Variants in ARHGEF3 observed in about 807,000 individuals in gnomAD.
ARHGEF3 encodes Rho guanine nucleotide exchange factor 3.
A neutral mutation model predicts 63.2 loss-of-function variants in ARHGEF3; 28 were observed. The observed-to-expected ratio is 0.44, with a 90% CI of 0.33 to 0.61. ARHGEF3 has a LOEUF of 0.61. Ranked by LOEUF, ARHGEF3 falls within the 20% of genes least tolerant of loss-of-function variation. The pLI, the probability that ARHGEF3 is intolerant of heterozygous loss-of-function variation, is 0.03. For missense variants in ARHGEF3, 533 were observed against 659.3 expected (o/e 0.81, Z 2.10); for synonymous variants, 266 against 254.2 (o/e 1.05, Z -0.44).
intron 1 of ARHGEF3, among the ~76,000 whole-genome samples, chr3:57,045,015 C>T (rs912505763): frequency 7.9e-5 from 12 of 152,172 alleles, no homozygotes; most frequent in South Asian, 2.1e-4. Context: ...ACCTGTAATC[C>T]GAGCACTCTG....
chr3:56,795,655 C>CTTTTTTTTTTTTTTTTTTT (rs11306302), intron 1 of ARHGEF3, among the ~76,000 whole-genome samples: 1 of 130,544 alleles, frequency 7.7e-6, no homozygotes, highest in Non-Finnish European at 1.6e-5. Flanking sequence ...GTCTCTCTCT[C>CTTTTTTTTTTTTTTTTTTT]TTTTTTTTTT....
intron 3 of ARHGEF3, among the ~76,000 whole-genome samples, chr3:56,941,876 T>C (rs962007026): frequency 4.6e-5 from 7 of 152,240 alleles, no homozygotes; most frequent in East Asian, 1.9e-4. Context: ...TATAAATATA[T>C]GCTTTACATT....
chr3:56,980,875 C>G (rs150474497), intron 2 of ARHGEF3, among the ~76,000 whole-genome samples: 1 of 152,234 alleles, frequency 6.6e-6, no homozygotes, highest in Admixed American at 6.5e-5. Flanking sequence ...AGGCTCTTGC[C>G]TGACTGCACT....
At chr3:57,074,085 G>T in intron 1 of ARHGEF3, 1 of 1,614,022 alleles carries the variant, frequency 6.2e-7, no homozygotes, top group Non-Finnish European at 8.5e-7. Flanking sequence ...TCAATTTCTT[G>T]GTATGGAAGA....
At chr3:56,808,500 G>A (rs376729117) in intron 4 of ARHGEF3, among the ~76,000 whole-genome samples, 1 of 152,100 alleles carries the variant, frequency 6.6e-6, no homozygotes, top group East Asian at 1.9e-4. Context: ...TGAGGTGGGA[G>A]GATCCCTTGA....
intron 3 of ARHGEF3, among the ~76,000 whole-genome samples, chr3:56,909,379 T>C (rs2041792746): frequency 6.6e-6 from 1 of 152,216 alleles, no homozygotes; most frequent in Non-Finnish European, 1.5e-5. Flanking sequence ...AATATACACA[T>C]AAGGGATTTG....
chr3:56,733,541 A>G (rs1227192125), intron 8 of ARHGEF3, among the ~76,000 whole-genome samples: 2 of 152,166 alleles, frequency 1.3e-5, no homozygotes, highest in Non-Finnish European at 2.9e-5. Flanking sequence ...AGACTGGTAT[A>G]TCAAAGCTAA....
chr3:56,973,110 G>C (rs978829562), intron 2 of ARHGEF3, among the ~76,000 whole-genome samples: 3 of 151,568 alleles, frequency 2.0e-5, no homozygotes, highest in Non-Finnish European at 4.4e-5. Context: ...TCCGCCTCCC[G>C]GGTTCACACC....
chr3:56,999,279 TA>T (rs1702102570), intron 2 of ARHGEF3, among the ~76,000 whole-genome samples: 1 of 152,068 alleles, frequency 6.6e-6, no homozygotes, highest in Non-Finnish European at 1.5e-5. Context: ...TCGAACTACT[TA>T]CCTCAAGTGA....
chr3:56,966,850 ATT>A (rs1700517668), intron 2 of ARHGEF3, among the ~76,000 whole-genome samples: 7 of 108,462 alleles, frequency 6.5e-5, no homozygotes, highest in African/African-American at 1.3e-4. Flanking sequence ...TTTTTTTTTA[ATT>A]ATTATTATTA....
chr3:56,888,208 T>C lies in ARHGEF3; in HGVS notation c.130-5854A>G, dbSNP rs767661903. Among the ~76,000 whole-genome samples, 13 of 152,184 alleles carry C rather than the reference T, an allele frequency of 8.5e-5. No homozygotes were observed. In the East Asian group the frequency reaches 2.1e-3, roughly 25 times the overall value. ...TTTAGACATTGGTCCAAGTGGGACA[T>C]TGGCCATTTCCACTCCTACGAAAAG... is the stretch of plus-strand genomic sequence containing the variant. On this transcript the variant is annotated intron_variant, in intron 3 of 12. Transcript: ENST00000338458.
At chr3:56,915,542 C>G (rs550017551) in intron 3 of ARHGEF3, among the ~76,000 whole-genome samples, 1 of 152,142 alleles carries the variant, frequency 6.6e-6, no homozygotes, top group African/African-American at 2.4e-5. Flanking sequence ...CTACAAAAAA[C>G]AAATAAATAA....
At chr3:56,946,959 T>TG (rs1466446392) in intron 3 of ARHGEF3, among the ~76,000 whole-genome samples, 1 of 151,938 alleles carries the variant, frequency 6.6e-6, no homozygotes, top group Non-Finnish European at 1.5e-5. Context: ...CAGAAGAGAG[T>TG]GGGGGCCAAT....
chr3:56,786,055 CT>C (rs1559938229), intron 1 of ARHGEF3, among the ~76,000 whole-genome samples: 1 of 152,144 alleles, frequency 6.6e-6, no homozygotes. Context: ...CAAATTATCC[CT>C]TCAAATGTTT....
At chr3:57,000,204 C>T (rs921917063) in intron 2 of ARHGEF3, among the ~76,000 whole-genome samples, 2 of 152,202 alleles carry the variant, frequency 1.3e-5, no homozygotes, top group African/African-American at 2.4e-5. Flanking sequence ...CTACAAAGAG[C>T]GCCCCACGTA....
intron 2 of ARHGEF3, among the ~76,000 whole-genome samples, chr3:57,009,827 A>C (rs573800554): frequency 5.0e-4 from 76 of 152,090 alleles, no homozygotes; most frequent in African/African-American, 1.7e-3. Context: ...TAATCATGTT[A>C]TGATTAATTA....
At chr3:56,745,533 T>C in intron 6 of ARHGEF3, 71 bp from the exon 7 acceptor site, 1 of 1,548,250 alleles carries the variant, frequency 6.5e-7, no homozygotes, top group Non-Finnish European at 8.8e-7. Context: ...GTGGCATCAT[T>C]TATTGGGACT....
intron 3 of ARHGEF3, among the ~76,000 whole-genome samples, chr3:56,939,502 C>T (rs766235166): frequency 1.3e-5 from 2 of 152,188 alleles, no homozygotes; most frequent in Non-Finnish European, 2.9e-5. Flanking sequence ...TCTTGGACCA[C>T]CTTCTGTTTA....
At chr3:56,756,735 G>C (rs2035093479) in intron 2 of ARHGEF3, among the ~76,000 whole-genome samples, 1 of 151,980 alleles carries the variant, frequency 6.6e-6, no homozygotes, top group Non-Finnish European at 1.5e-5. Context: ...ATTTTCAGTA[G>C]AGACAGGGTT....
Sources: allele counts gnomAD v4.1 joint callset (sites outside exome capture counted in the v4.1 genomes callset), GRCh38; gene constraint gnomAD v4.1.1; transcripts MANE v1.5; gene names NCBI Gene and HGNC (gene_info 2026-07-23, HGNC 2026-07-21).